ATXN1: variants seen among roughly 807,000 people sequenced by gnomAD.
ATXN1 encodes ataxin-1.
Under a neutral mutation model 56.4 loss-of-function variants are expected in ATXN1, and 8 were observed. That is an observed-to-expected ratio of 0.14 (90% CI 0.08 to 0.26). ATXN1 has a LOEUF of 0.26. Ranked by LOEUF, ATXN1 falls within the 10% of genes least tolerant of loss-of-function variation. The pLI is 1.00. For synonymous variants in ATXN1, 514 were observed against 494.6 expected, an observed-to-expected ratio of 1.04 and a Z score of -0.52; for missense variants, 987 against 1,106.5, an observed-to-expected ratio of 0.89 and a Z score of 1.53.
chr6:16,683,475 T>C (rs1758855737), intron 2 of ATXN1, among the ~76,000 whole-genome samples: 2 of 152,216 alleles, frequency 1.3e-5, no homozygotes, highest in Admixed American at 1.3e-4. Flanking sequence ...CTCTCCTTAA[T>C]ATCCATAAGC....
intron 2 of ATXN1, among the ~76,000 whole-genome samples, chr6:16,693,095 G>A (rs1759083722): frequency 6.6e-6 from 1 of 152,192 alleles, no homozygotes; most frequent in South Asian, 2.1e-4. Context: ...CTCTGAAGAT[G>A]AGAATCGTAA....
rs530561356 is a variant in ATXN1, at chr6:16,583,177, T to C, written c.-361+2603A>G. On this transcript the variant is annotated intron_variant, in intron 4 of 7. Coordinates refer to ENST00000436367, the MANE Select transcript of ATXN1 (RefSeq NM_001128164.2). ...CATGTCTTAATTAGGAATTCAGATA[T>C]TCCTCTTCTGCTGAGAAATACAGAG... is the stretch of plus-strand genomic sequence containing the variant. 1.6e-4 allele frequency among the ~76,000 whole-genome samples: 25 copies of C among 152,352 alleles called. No homozygotes were observed. In the East Asian group the frequency reaches 3.7e-3, roughly 22 times the overall value.
intron 6 of ATXN1, among the ~76,000 whole-genome samples, chr6:16,343,936 C>T (rs1043554361): frequency 7.9e-5 from 12 of 152,226 alleles, no homozygotes; most frequent in African/African-American, 2.7e-4. Context: ...GTACTTTCCA[C>T]ACCAGCCACC....
intron 2 of ATXN1, among the ~76,000 whole-genome samples, chr6:16,702,654 C>A (rs1422482282): frequency 2.0e-5 from 3 of 152,290 alleles, no homozygotes; most frequent in South Asian, 2.1e-4. Context: ...AAACAAACAA[C>A]CCCATCAAAA....
intron 6 of ATXN1, among the ~76,000 whole-genome samples, chr6:16,442,520 C>T (rs573538798): frequency 6.7e-6 from 1 of 150,026 alleles, no homozygotes; most frequent in South Asian, 2.1e-4. Context: ...ATGAAAGGAA[C>T]GAAAATAATC....
chr6:16,469,747 T>C (rs1760179685), intron 6 of ATXN1, among the ~76,000 whole-genome samples: 1 of 152,170 alleles, frequency 6.6e-6, no homozygotes, highest in South Asian at 2.1e-4. Context: ...GCAGATCACC[T>C]GAGGTCAGGA....
At chr6:16,585,086 C>G (rs1762599454) in intron 4 of ATXN1, among the ~76,000 whole-genome samples, 1 of 150,620 alleles carries the variant, frequency 6.6e-6, no homozygotes, top group Non-Finnish European at 1.5e-5. Flanking sequence ...AAAAAAAATA[C>G]AAAAGTTAGC....
intron 2 of ATXN1, among the ~76,000 whole-genome samples, chr6:16,676,352 C>T (rs1486815721): frequency 6.6e-6 from 1 of 152,126 alleles, no homozygotes; most frequent in Non-Finnish European, 1.5e-5. Flanking sequence ...AAGTATATAA[C>T]ACAGTTGTAT....
intron 6 of ATXN1, among the ~76,000 whole-genome samples, chr6:16,394,431 A>G (rs1183413010): frequency 6.6e-6 from 1 of 152,172 alleles, no homozygotes; most frequent in African/African-American, 2.4e-5. Flanking sequence ...TTGTTAATTG[A>G]CATCTGATAA....
At chr6:16,491,720 C>T (rs1036877506) in intron 5 of ATXN1, among the ~76,000 whole-genome samples, 1 of 152,194 alleles carries the variant, frequency 6.6e-6, no homozygotes, top group Non-Finnish European at 1.5e-5. Context: ...AATCAAGGTT[C>T]TGCTGTTGTG....
rs1561756150 is a variant in ATXN1 at position 16,562,458 on chromosome 6, G to GGAAAGGAA, written c.-361+23321_-361+23322insTTCCTTTC. 3.5e-3 allele frequency among the ~76,000 whole-genome samples: 181 copies of GGAAAGGAA among 51,870 alleles called. 2 individuals carry two copies. The highest frequency in any genetic ancestry group is 8.7e-3 in the African/African-American group (164 of 18,940). The allele number at this position is 51,870 out of a possible 152,430, so 34.0% of individuals were successfully genotyped here. ...GAAGAAAAGAAAAGAAAGAAAAGGA[G>GGAAAGGAA]AGGAGAGGAGAGGAGAGGAGAGGAG... On this transcript the variant is annotated intron_variant, in intron 4 of 7. Transcript: ENST00000436367.
intron 2 of ATXN1, chr6:16,738,490 C>T (rs1760214690): frequency 6.6e-6 from 1 of 152,134 alleles, no homozygotes; most frequent in Admixed American, 6.5e-5. Flanking sequence ...AATAAAGTGA[C>T]TTTATTATAT....
intron 4 of ATXN1, among the ~76,000 whole-genome samples, chr6:16,562,554 A>C (rs72825521): frequency 0.095 from 14,477 of 151,878 alleles, 808 homozygotes; most frequent in African/African-American, 0.15. Flanking sequence ...AAAGAAATGA[A>C]ATGGCTGGCA....
intron 5 of ATXN1, among the ~76,000 whole-genome samples, chr6:16,505,586 T>A (rs1414224087): frequency 1.3e-5 from 2 of 152,192 alleles, no homozygotes; most frequent in Non-Finnish European, 2.9e-5. Flanking sequence ...GGGGCCTTAA[T>A]AGGAACACAA....
At chr6:16,718,974 T>C (rs1759693758) in intron 2 of ATXN1, among the ~76,000 whole-genome samples, 1 of 152,244 alleles carries the variant, frequency 6.6e-6, no homozygotes, top group South Asian at 2.1e-4. Flanking sequence ...AGTGGCTTTG[T>C]TTCTCTGACT....
chr6:16,650,364 C>T (rs1763872862), intron 3 of ATXN1, among the ~76,000 whole-genome samples: 1 of 152,180 alleles, frequency 6.6e-6, no homozygotes, highest in South Asian at 2.1e-4. Context: ...AGAAAGCTAA[C>T]AAAATCCTTT....
intron 3 of ATXN1, among the ~76,000 whole-genome samples, chr6:16,593,931 A>C: frequency 6.7e-6 from 1 of 148,284 alleles, no homozygotes; most frequent in East Asian, 1.9e-4. Context: ...GAGAGATAGA[A>C]GCTAATACAT....
At chr6:16,704,295 A>G (rs916167215) in intron 2 of ATXN1, among the ~76,000 whole-genome samples, 2 of 151,982 alleles carry the variant, frequency 1.3e-5, no homozygotes, top group Admixed American at 6.5e-5. Flanking sequence ...TGTTTTACGG[A>G]GCAGTTCCTT....
chr6:16,524,247 T>G (rs1761348540), intron 4 of ATXN1, among the ~76,000 whole-genome samples: 1 of 152,122 alleles, frequency 6.6e-6, no homozygotes, highest in South Asian at 2.1e-4. Flanking sequence ...AACATGACAC[T>G]TACTATGCAG....
Sources: allele counts gnomAD v4.1 joint callset (sites outside exome capture counted in the v4.1 genomes callset), GRCh38; gene constraint gnomAD v4.1.1; transcripts MANE v1.5; gene names NCBI Gene and HGNC (gene_info 2026-07-23, HGNC 2026-07-21).